MYH10: variants seen among roughly 807,000 people sequenced by gnomAD.
MYH10 encodes the protein myosin-10.
Under a neutral mutation model 257.8 loss-of-function variants are expected in MYH10, and 55 were observed. The ratio of observed to expected loss-of-function variants is 0.21; its 90% CI spans 0.17 to 0.27. MYH10 has a LOEUF of 0.27. MYH10 is among the 10% of genes least tolerant of loss of function. MYH10 has a pLI of 1.00. For missense variants in MYH10, 1,631 were observed against 2,500.6 expected (o/e 0.65, Z 7.42); for synonymous variants, 854 against 921.7 (o/e 0.93, Z 1.33).
In MYH10 at chr17:8,495,124, C is replaced by G; in HGVS notation, c.4056+13G>C. 1 of 1,499,166 alleles carries G rather than the reference C, an allele frequency of 6.7e-7. No homozygotes were observed. Among genetic ancestry groups the G allele is most frequent in the Non-Finnish European group, 9.3e-7 (1 of 1,075,852 alleles). 92.9% of individuals were successfully genotyped at this position (1,499,166 alleles called of 1,614,324 possible). On this transcript the variant is annotated intron_variant, in intron 31 of 42. Coordinates refer to ENST00000360416, the MANE Select transcript of MYH10 (RefSeq NM_001256012.3). The stretch of plus-strand genomic sequence containing the variant: ...TTAGTTATTATAAAGACCCCTTGCT[C>G]CCCAGGGAATACCTGTGTATCCTGT...
intron 16 of MYH10, among the ~76,000 whole-genome samples, chr17:8,534,435 A>T (rs2082085954): frequency 6.6e-6 from 1 of 152,078 alleles, no homozygotes; most frequent in Non-Finnish European, 1.5e-5. Context: ...AGTCATTCTT[A>T]AGATGATCTT....
chr17:8,557,725 T>C (rs1385980231), intron 7 of MYH10, among the ~76,000 whole-genome samples: 1 of 152,168 alleles, frequency 6.6e-6, no homozygotes, highest in Non-Finnish European at 1.5e-5. Flanking sequence ...AGGCTCTTGC[T>C]ACATCTTACA....
At chr17:8,585,666 C>T (rs1386521587) in intron 4 of MYH10, among the ~76,000 whole-genome samples, 1 of 151,922 alleles carries the variant, frequency 6.6e-6, no homozygotes, top group Non-Finnish European at 1.5e-5. Flanking sequence ...AAATTTTAAA[C>T]TATAATGAGG....
intron 12 of MYH10, 93 bp downstream of exon 12, chr17:8,546,451 A>G: frequency 1.0e-6 from 1 of 962,972 alleles, no homozygotes; most frequent in Non-Finnish European, 1.6e-6. Flanking sequence ...GACAGTTTAT[A>G]TTGATTCAGT....
rs748426882 is a variant in MYH10 at position 8,506,911 on chromosome 17, AC to A, written c.3215-423del. 2.8e-4 allele frequency among the ~76,000 whole-genome samples: 43 copies of A among 152,174 alleles called. No individual in the cohort carries two copies. Among genetic ancestry groups the A allele is most frequent in the Non-Finnish European group, 5.7e-4 (39 of 68,032 alleles). ...GGAACCCCTGTTCTGAACCAAGAAAACTGCCATCCTCGAGTACTGGGAGAGA... is the reference window on the plus strand; with the variant it reads ...GGAACCCCTGTTCTGAACCAAGAAAATGCCATCCTCGAGTACTGGGAGAGA... On this transcript the variant is annotated intron_variant, in intron 26 of 42. Transcript: ENST00000360416. The surrounding 1 kb of genome is among the most constrained non-coding windows in gnomAD (Gnocchi z 5.0).
At chr17:8,557,261 C>T (rs1415932277) in intron 7 of MYH10, among the ~76,000 whole-genome samples, 4 of 151,968 alleles carry the variant, frequency 2.6e-5, no homozygotes, top group East Asian at 3.9e-4. Flanking sequence ...TGTATTTTTG[C>T]TCAATATTAT....
At chr17:8,560,852 T>A (rs1267899712) in intron 7 of MYH10, 1 of 563,780 alleles carries the variant, frequency 1.8e-6, no homozygotes, top group Non-Finnish European at 3.4e-6. Flanking sequence ...AAGCACAAGG[T>A]CTTTGGCAAA....
At chr17:8,610,436 A>T (rs1042770118) in intron 2 of MYH10, among the ~76,000 whole-genome samples, 3 of 151,670 alleles carry the variant, frequency 2.0e-5, no homozygotes, top group Non-Finnish European at 2.9e-5. Flanking sequence ...GAAGCAAAAA[A>T]AAATAAAAAA....
chr17:8,496,923 A>G (rs1916727018), intron 30 of MYH10, among the ~76,000 whole-genome samples: 1 of 152,198 alleles, frequency 6.6e-6, no homozygotes, highest in African/African-American at 2.4e-5. Flanking sequence ...GGTTTATGCT[A>G]GGCAAGAGGT....
intron 28 of MYH10, among the ~76,000 whole-genome samples, chr17:8,503,291 T>TAAAAAATAAAAA (rs61712819): frequency 2.2e-4 from 13 of 60,098 alleles, no homozygotes; most frequent in East Asian, 1.6e-3. Context: ...CTCAAAAAAA[T>TAAAAAATAAAAA]ATAAAATAAA....
rs1044573439 is a variant in MYH10, at chr17:8,498,192, G to A, written c.3951+1078C>T. Among the ~76,000 whole-genome samples, 10 of 151,848 alleles carry A rather than the reference G, an allele frequency of 6.6e-5. 1 individual carries two copies. The South Asian group carries it at 1.9e-3, about 29-fold the overall frequency. ...GAAGAGACAGGGTTTCGCCATGTTGGCCAGGCTGGTCTCAAACTCCTGACC... is the reference window on the plus strand; with the variant it reads ...GAAGAGACAGGGTTTCGCCATGTTGACCAGGCTGGTCTCAAACTCCTGACC... On this transcript the variant is annotated intron_variant, in intron 30 of 42. Coordinates refer to ENST00000360416, the MANE Select transcript of MYH10 (RefSeq NM_001256012.3).
At chr17:8,491,672 G>A (rs1448159060) in intron 34 of MYH10, among the ~76,000 whole-genome samples, 1 of 152,190 alleles carries the variant, frequency 6.6e-6, no homozygotes, top group Non-Finnish European at 1.5e-5. Flanking sequence ...GCCTGTGGAG[G>A]AGCCAGGGAA....
intron 40 of MYH10, among the ~76,000 whole-genome samples, chr17:8,479,163 A>G (rs1170593790): frequency 2.0e-5 from 3 of 152,228 alleles, no homozygotes; most frequent in Non-Finnish European, 1.5e-5. Flanking sequence ...CCAATTTATT[A>G]AGTGATTGTT....
At chr17:8,571,895 A>C (rs1413123753) in intron 6 of MYH10, among the ~76,000 whole-genome samples, 1 of 149,158 alleles carries the variant, frequency 6.7e-6, no homozygotes, top group Non-Finnish European at 1.5e-5. Flanking sequence ...TGGTATACTC[A>C]CTTTGCATTA....
chr17:8,500,794 C>T, intron 29 of MYH10, 32 bp downstream of exon 29: 1 of 1,601,516 alleles, frequency 6.2e-7, no homozygotes. Flanking sequence ...AGACTTTCTC[C>T]AGGCCACAGC....
Position 8,504,074 on chromosome 17 carries a change from G to GCTGCCACA in MYH10, c.3599+612_3599+619dup, listed in dbSNP as rs2080994678. ...GCTAAGGCTCTCCTGCGACTCGTGG[G>GCTGCCACA]CTGCCACACTGCAGCTTTCTACCCA... On this transcript the variant is annotated intron_variant, in intron 28 of 42. Transcript: ENST00000360416. This position sits in a 1 kb window ranked among gnomAD's most constrained non-coding sequence, Gnocchi z 5.6. Among the ~76,000 whole-genome samples the GCTGCCACA allele has an allele frequency of 6.6e-6, 1 of 152,190 alleles. No individual in the cohort carries two copies. Among genetic ancestry groups the GCTGCCACA allele is most frequent in the Non-Finnish European group, 1.5e-5 (1 of 68,032 alleles).
rs977365651 is a variant in MYH10 at position 8,519,018 on chromosome 17, G to T, written c.2274-68C>A. 10 of 1,261,380 alleles carry T rather than the reference G, an allele frequency of 7.9e-6. No homozygotes were observed. In the African/African-American group the frequency reaches 1.4e-4, roughly 17 times the overall value. 78.1% of individuals were successfully genotyped at this position (1,261,380 alleles called of 1,614,324 possible). On this transcript the variant is annotated intron_variant, in intron 19 of 42. Transcript: ENST00000360416. ...AACGATGTGTATCTACTAACTGTGT[G>T]TTTTGCTCTAAGAGGCAATAAAATG...
intron 7 of MYH10, chr17:8,561,310 C>G: frequency 9.1e-7 from 1 of 1,098,678 alleles, no homozygotes; most frequent in East Asian, 2.3e-5. Context: ...CTAACTGTGC[C>G]CGATGCATGC....
At chr17:8,534,985 G>C (rs187894425) in intron 16 of MYH10, among the ~76,000 whole-genome samples, 2 of 152,334 alleles carry the variant, frequency 1.3e-5, no homozygotes, top group African/African-American at 2.4e-5. Flanking sequence ...GTGTCGCGGC[G>C]GGTGCGGGTG....
Sources: gnomAD v4.1 joint callset for allele counts (sites outside exome capture counted in the v4.1 genomes callset) on GRCh38, gnomAD v4.1.1 for gene constraint, Gnocchi (gnomAD v3.1) non-coding constraint, MANE v1.5 for transcripts, NCBI Gene and HGNC (gene_info 2026-07-23, HGNC 2026-07-21) for gene names.